Variants in OPCML observed in about 807,000 individuals in gnomAD.
The protein encoded by OPCML is opioid binding protein/cell adhesion molecule like, also known as opioid-binding protein/cell adhesion molecule.
Under a neutral mutation model 37.8 loss-of-function variants are expected in OPCML, and 13 were observed. The observed-to-expected ratio is 0.34, with a 90% CI of 0.22 to 0.55. The LOEUF (loss-of-function observed/expected upper bound fraction) is 0.55, where lower values mean the gene tolerates loss of function less well. Among genes scored for constraint, OPCML ranks in the 20% least tolerant of loss-of-function variants. The pLI is 0.91. For synonymous variants in OPCML, 176 were observed against 168.8 expected, an observed-to-expected ratio of 1.04 and a Z score of -0.33; for missense variants, 341 against 435.6, an observed-to-expected ratio of 0.78 and a Z score of 1.93.
At chr11:133,503,558 T>C (rs1186812866) in intron 1 of OPCML, among the ~76,000 whole-genome samples, 1 of 152,220 alleles carries the variant, frequency 6.6e-6, no homozygotes, top group Non-Finnish European at 1.5e-5. Context: ...TATATGATAC[T>C]GTCCACTTAT....
intron 1 of OPCML, among the ~76,000 whole-genome samples, chr11:133,273,933 T>A (rs760562868): frequency 2.1e-4 from 32 of 152,368 alleles, no homozygotes; most frequent in Admixed American, 2.0e-4. Flanking sequence ...AATTCGTGTG[T>A]TAGACCTTTC....
chr11:133,506,448 A>G (rs1318781177), intron 1 of OPCML, among the ~76,000 whole-genome samples: 1 of 152,188 alleles, frequency 6.6e-6, no homozygotes, highest in Non-Finnish European at 1.5e-5. Context: ...TGAGCTCACT[A>G]ATCCCCAAAA....
At chr11:133,383,560 T>A (rs533212018) in intron 1 of OPCML, among the ~76,000 whole-genome samples, 1 of 152,304 alleles carries the variant, frequency 6.6e-6, no homozygotes, top group Admixed American at 6.5e-5. Context: ...ACAGTGCCCA[T>A]CCTATTATTG....
intron 4 of OPCML, among the ~76,000 whole-genome samples, chr11:132,479,625 G>A (rs1162070262): frequency 6.6e-6 from 1 of 152,226 alleles, no homozygotes; most frequent in East Asian, 1.9e-4. Flanking sequence ...AAATGTCCCT[G>A]TCTGACAGCT....
intron 2 of OPCML, among the ~76,000 whole-genome samples, chr11:132,892,611 A>G (rs558496849): frequency 6.6e-6 from 1 of 152,228 alleles, no homozygotes; most frequent in African/African-American, 2.4e-5. Flanking sequence ...TACTAAAAAT[A>G]CAAAAATTAG....
intron 1 of OPCML, among the ~76,000 whole-genome samples, chr11:133,522,507 G>A (rs4937789): frequency 0.23 from 34,834 of 152,064 alleles, 5,148 homozygotes; most frequent in African/African-American, 0.39. Context: ...CCTAGATTCT[G>A]ATCTTTGGGT....
At chr11:133,531,349 CCAAA>C (rs1358543319) in intron 1 of OPCML, among the ~76,000 whole-genome samples, 2 of 152,126 alleles carry the variant, frequency 1.3e-5, no homozygotes, top group Non-Finnish European at 2.9e-5. Flanking sequence ...TTTGTTTTCC[CCAAA>C]CAAATAACTG....
At chr11:133,497,481 T>A (rs1021359085) in intron 1 of OPCML, among the ~76,000 whole-genome samples, 1 of 152,192 alleles carries the variant, frequency 6.6e-6, no homozygotes, top group African/African-American at 2.4e-5. Context: ...CCGATTCACT[T>A]AATAACTAAT....
chr11:133,235,103 C>T (rs755074023), intron 1 of OPCML, among the ~76,000 whole-genome samples: 3 of 152,160 alleles, frequency 2.0e-5, no homozygotes, highest in South Asian at 4.2e-4. Context: ...AGGGGCTCCG[C>T]GGCTTTAGCT....
At position 133,334,281 on chromosome 11, in the gene OPCML, G is replaced by A. The variant is rs574828292; in HGVS notation, c.61+197983C>T. Among the ~76,000 whole-genome samples the A allele has an allele frequency of 3.3e-5, 5 of 152,176 alleles. No individual in the cohort carries two copies. The South Asian group carries it at 1.0e-3, about 32-fold the overall frequency. On this transcript the variant is annotated intron_variant, in intron 1 of 7. Transcript: ENST00000524381. Reference sequence around the variant, plus strand: ...GACAGATACGGATAAAGAAAATGTGGTACATATACACCATGGAATATTATG... The same window carrying A: ...GACAGATACGGATAAAGAAAATGTGATACATATACACCATGGAATATTATG...
chr11:133,047,164 G>A lies in OPCML; in HGVS notation c.62-104154C>T, dbSNP rs531899251. 2.0e-4 allele frequency among the ~76,000 whole-genome samples: 31 copies of A among 152,302 alleles called. 1 individual carries two copies. The highest frequency in any genetic ancestry group is 5.5e-4 in the African/African-American group (23 of 41,570). ...TCTGAACATGGCTTCACGTGGCCCC[G>A]TGTGGAAATATGTGTCACCTTCTCC... On this transcript the variant is annotated intron_variant, in intron 1 of 7. Transcript: ENST00000524381.
At chr11:132,449,508 AT>A (rs2096063422) in intron 4 of OPCML, among the ~76,000 whole-genome samples, 1 of 152,170 alleles carries the variant, frequency 6.6e-6, no homozygotes, top group African/African-American at 2.4e-5. Flanking sequence ...TTTACTAAAA[AT>A]ATCCCTTCTT....
At chr11:133,140,891 AC>A (rs1555102523) in intron 1 of OPCML, among the ~76,000 whole-genome samples, 1 of 28,116 alleles carries the variant, frequency 3.6e-5, no homozygotes, top group African/African-American at 6.1e-5. Flanking sequence ...GACGACGACG[AC>A]GAAGACGACG....
At chr11:132,544,092 T>C (rs1040078146) in intron 3 of OPCML, among the ~76,000 whole-genome samples, 4 of 152,172 alleles carry the variant, frequency 2.6e-5, no homozygotes, top group African/African-American at 7.2e-5. Context: ...ACTGAGTGTC[T>C]GGTATATTCA....
intron 1 of OPCML, among the ~76,000 whole-genome samples, chr11:133,268,823 T>C (rs1941735230): frequency 6.6e-6 from 1 of 152,252 alleles, no homozygotes; most frequent in Non-Finnish European, 1.5e-5. Flanking sequence ...TAATTTTTCC[T>C]ATAACATAGA....
At chr11:132,937,595 G>C (rs76875276) in intron 2 of OPCML, among the ~76,000 whole-genome samples, 2 of 88,734 alleles carry the variant, frequency 2.3e-5, no homozygotes, top group African/African-American at 3.7e-5. Flanking sequence ...GCGTGTGTGG[G>C]GTGTGTGTGT....
rs776779171 is a variant in OPCML at position 132,625,160 on chromosome 11, C to T, written c.379+31927G>A. Among the ~76,000 whole-genome samples, 166 of 152,306 alleles carry T rather than the reference C, an allele frequency of 1.1e-3. 2 individuals carry two copies. Among genetic ancestry groups the T allele is most frequent in the Admixed American group, 5.9e-4 (9 of 15,292 alleles). On this transcript the variant is annotated intron_variant, in intron 3 of 7. Coordinates refer to ENST00000524381, the MANE Select transcript of OPCML (RefSeq NM_001012393.5). ...CTGTCACTTCTTACCTGGATTCTCTCAAGTGCCTCCTGTCTGTTCATTGTT... is the reference window on the plus strand; with the variant it reads ...CTGTCACTTCTTACCTGGATTCTCTTAAGTGCCTCCTGTCTGTTCATTGTT...
intron 1 of OPCML, among the ~76,000 whole-genome samples, chr11:133,121,981 TATG>T (rs1287311200): frequency 6.6e-6 from 1 of 152,212 alleles, no homozygotes; most frequent in African/African-American, 2.4e-5. Context: ...GCCATCTTCT[TATG>T]ATTATTTGAA....
chr11:132,524,870 GGTTT>G (rs2096303974), intron 4 of OPCML, among the ~76,000 whole-genome samples: 1 of 152,138 alleles, frequency 6.6e-6, no homozygotes, highest in Non-Finnish European at 1.5e-5. Flanking sequence ...ATATGTCTTT[GGTTT>G]GTTTGTTTTT....
Sources: allele counts gnomAD v4.1 joint callset (sites outside exome capture counted in the v4.1 genomes callset), GRCh38; gene constraint gnomAD v4.1.1; transcripts MANE v1.5; gene names NCBI Gene and HGNC (gene_info 2026-07-23, HGNC 2026-07-21).